Variants in ADCY7 observed in about 807,000 individuals in gnomAD.
The protein encoded by ADCY7 is adenylate cyclase 7.
In ADCY7, 72 loss-of-function variants were observed where a neutral mutation model predicts 120.6. The ratio of observed to expected loss-of-function variants is 0.60; its 90% confidence interval spans 0.49 to 0.73. ADCY7 has a LOEUF of 0.73. Ranked by LOEUF, ADCY7 falls within the 30% of genes least tolerant of loss-of-function variation. The pLI, the probability that ADCY7 is intolerant of heterozygous loss-of-function variation, is 0.00. For missense variants in ADCY7, 1,227 were observed against 1,486.0 expected (o/e 0.83, Z 2.87); for synonymous variants, 661 against 628.0 (o/e 1.05, Z -0.78).
At chr16:50,270,804 T>C (rs951565637) in intron 1 of ADCY7, among the ~76,000 whole-genome samples, 2 of 152,234 alleles carry the variant, frequency 1.3e-5, no homozygotes, top group African/African-American at 4.8e-5. Context: ...GAGGGCTAGC[T>C]GGGTGAAAAC....
At chr16:50,280,882 C>G (rs2034214231) in intron 1 of ADCY7, among the ~76,000 whole-genome samples, 1 of 152,196 alleles carries the variant, frequency 6.6e-6, no homozygotes, top group African/African-American at 2.4e-5. Flanking sequence ...GGTGGCTAAG[C>G]TGGGACTGGA....
intron 22 of ADCY7, 144 bp from the exon 23 acceptor site, chr16:50,313,814 G>A (rs989158626): frequency 3.8e-5 from 25 of 650,444 alleles, no homozygotes; most frequent in South Asian, 3.2e-4. Flanking sequence ...TTAGTCATGC[G>A]CTCAGCTGGC....
At chr16:50,263,465 G>A (rs1331702438), upstream of ADCY7, among the ~76,000 whole-genome samples, 1 of 152,146 alleles carries the variant, frequency 6.6e-6, no homozygotes, top group African/African-American at 2.4e-5. Flanking sequence ...TGCTCAGTGG[G>A]ACAGGAACCT....
intron 7 of ADCY7, among the ~76,000 whole-genome samples, chr16:50,295,599 CG>C (rs1446603129): frequency 6.6e-6 from 1 of 151,936 alleles, no homozygotes; most frequent in Non-Finnish European, 1.5e-5. Context: ...AAGAAAGCCC[CG>C]TGTGTCCATG....
chr16:50,284,274 G>A (rs1374460319), intron 1 of ADCY7, among the ~76,000 whole-genome samples: 1 of 152,222 alleles, frequency 6.6e-6, no homozygotes, highest in Non-Finnish European at 1.5e-5. Flanking sequence ...GTCCCTGGAT[G>A]GGCTGAAGTC....
chr16:50,286,586 A>G (rs1468654998), intron 1 of ADCY7, among the ~76,000 whole-genome samples: 2 of 152,078 alleles, frequency 1.3e-5, no homozygotes, highest in Admixed American at 1.3e-4. Context: ...CATGTCCCCA[A>G]ATCTCAGGGC....
At chr16:50,254,044 A>G (rs1364549758) in intron 1 of ADCY7, among the ~76,000 whole-genome samples, 1 of 152,026 alleles carries the variant, frequency 6.6e-6, no homozygotes, top group African/African-American at 2.4e-5. Flanking sequence ...TGACCCTGAG[A>G]CCTCGGGGGA....
rs764627878 is a variant in ADCY7, at chr16:50,310,174, G to A, written c.2161-513G>A. Among the ~76,000 whole-genome samples the A allele has an allele frequency of 8.5e-5, 13 of 152,334 alleles. 1 individual carries two copies. The East Asian group carries it at 1.4e-3, about 16-fold the overall frequency. Reference sequence around the variant, plus strand: ...GGACAGCATGGGAAAAAGCCGAGGCGTGTGTTGGGAGCAGTGGGGTTTTGG... The same window carrying A: ...GGACAGCATGGGAAAAAGCCGAGGCATGTGTTGGGAGCAGTGGGGTTTTGG... On this transcript the variant is annotated intron_variant, in intron 18 of 25. Coordinates refer to ENST00000673801, the MANE Select transcript of ADCY7 (RefSeq NM_001114.5).
Position 50,310,683 on chromosome 16 carries a change from T to C in ADCY7, c.2161-4T>C. 12 of 1,613,356 alleles carry C rather than the reference T, an allele frequency of 7.4e-6. No homozygotes were observed. Among genetic ancestry groups the C allele is most frequent in the Non-Finnish European group, 1.0e-5 (12 of 1,179,574 alleles). ...CTGTCCTGAGTGACACCCTGCCCCC[T>C]CAGTACTACACCTGCAGCTGTGTCC... On this transcript the variant is annotated splice_region_variant and splice_polypyrimidine_tract_variant and intron_variant, in intron 18 of 25. Coordinates refer to ENST00000673801, the MANE Select transcript of ADCY7 (RefSeq NM_001114.5).
intron 1 of ADCY7, among the ~76,000 whole-genome samples, chr16:50,249,881 G>A (rs912126300): frequency 1.3e-5 from 2 of 152,194 alleles, no homozygotes; most frequent in East Asian, 1.9e-4. Context: ...TGAGTGAGGT[G>A]CCTTGAGCAG....
Position 50,273,074 on chromosome 16 carries a change from G to A in ADCY7, c.-269+6394G>A, listed in dbSNP as rs2033672855. On this transcript the variant is annotated intron_variant, in intron 1 of 25. Coordinates refer to ENST00000673801, the MANE Select transcript of ADCY7 (RefSeq NM_001114.5). ...GAGGCTGAGACCCTGGTACTGAAGT[G>A]TGTCCCCAGTGCCTGTTTATGTCAC... 1.3e-5 allele frequency among the ~76,000 whole-genome samples: 2 copies of A among 152,194 alleles called. 1 individual carries two copies. Among genetic ancestry groups the A allele is most frequent in the Admixed American group, 1.3e-4 (2 of 15,288 alleles).
chr16:50,273,548 A>T (rs1187288324), intron 1 of ADCY7, among the ~76,000 whole-genome samples: 1 of 152,178 alleles, frequency 6.6e-6, no homozygotes. Flanking sequence ...TGGCACCAAC[A>T]TGTGGCCTCT....
intron 13 of ADCY7, 21 bp downstream of exon 13, chr16:50,305,607 C>T: frequency 6.3e-7 from 1 of 1,578,186 alleles, no homozygotes; most frequent in Non-Finnish European, 8.6e-7. Flanking sequence ...AGACCTCTGT[C>T]CACCCCCCTC....
chr16:50,313,125 T>A, intron 22 of ADCY7, 89 bp downstream of exon 22: 1 of 1,544,200 alleles, frequency 6.5e-7, no homozygotes, highest in South Asian at 1.2e-5. Context: ...AAACCCAATT[T>A]AAAAATGTGA....
chr16:50,309,554 ATGCCTTTCCAAGTTCCAGAGC>A lies in ADCY7; in HGVS notation c.2074_2094del (p.Phe692_Pro698del). 6.2e-7 allele frequency: 1 copy of A among 1,613,948 alleles called. No individual in the cohort carries two copies. Among genetic ancestry groups the A allele is most frequent in the East Asian group, 2.2e-5 (1 of 44,868 alleles). ...GGACCTGTCTCCTCTACAGCCCCTGATGCCTTTCCAAGTTCCAGAGCTGCCTGTTGGCAATGAGACAGGCCT... is the reference window on the plus strand; with the variant it reads ...GGACCTGTCTCCTCTACAGCCCCTGATGCCTGTTGGCAATGAGACAGGCCT... On this transcript the variant is annotated inframe_deletion, in exon 18 of 26. Coordinates refer to ENST00000673801, the MANE Select transcript of ADCY7 (RefSeq NM_001114.5).
rs764927746 is a variant in ADCY7, at chr16:50,288,195, C to T, written c.16C>T (p.Arg6Cys). The T allele has an allele frequency of 2.3e-5, 36 of 1,549,778 alleles. No individual in the cohort carries two copies. The East Asian group carries it at 4.6e-4, about 20-fold the overall frequency. ...AGGGTGGAGGATGCCAGCCAAGGGG[C>T]GCTACTTCCTCAACGAGGGCGAGGA... is the stretch of plus-strand genomic sequence containing the variant. MPAKGRYFLNEGEEGP... is the reference protein window; with the variant it reads MPAKGCYFLNEGEEGP... The change falls in exon 2 of 26, where the codon CGC (arginine) becomes TGC (cysteine). Residue 6 changes from arginine (R) to cysteine (C), a missense_variant. Coordinates refer to ENST00000673801, the MANE Select transcript of ADCY7 (RefSeq NM_001114.5).
intron 1 of ADCY7, among the ~76,000 whole-genome samples, chr16:50,259,404 C>G (rs572672319): frequency 6.6e-6 from 1 of 152,204 alleles, no homozygotes; most frequent in African/African-American, 2.4e-5. Context: ...GCCTCTGGTG[C>G]GGCCCAGCTG....
Position 50,290,604 on chromosome 16 carries a change from C to T in ADCY7, c.319C>T (p.Leu107=), listed in dbSNP as rs1238343998. The T allele has an allele frequency of 1.2e-6, 2 of 1,614,142 alleles. No individual in the cohort carries two copies. The highest frequency in any genetic ancestry group is 1.7e-6 in the Non-Finnish European group (2 of 1,180,028). Residue 107 remains leucine (L), a synonymous_variant, in exon 3 of 26, where the codon CTG becomes TTG. Transcript: ENST00000673801. ...GCTCACCTGGGCCTGCTTGGTGGCG[C>T]TGGGCTATGTGCTGGTGTTCGACGC... The part of the protein sequence containing the change: ...ALLTWACLVA[L]GYVLVFDAWT...
chr16:50,309,202 C>T (rs181857199), intron 17 of ADCY7: 1 of 336,082 alleles, frequency 3.0e-6, no homozygotes, highest in Admixed American at 4.6e-5. Context: ...GGGCTAGGGC[C>T]TCTCCCTCAC....
Sources: allele counts gnomAD v4.1 joint callset (sites outside exome capture counted in the v4.1 genomes callset), GRCh38; gene constraint gnomAD v4.1.1; transcripts MANE v1.5; gene names NCBI Gene and HGNC (gene_info 2026-07-23, HGNC 2026-07-21).